The following GBE1 variants were observed in gnomAD, a reference collection of about 807,000 sequenced individuals.
GBE1 encodes 1,4-alpha-glucan-branching enzyme.
A neutral mutation model predicts 88.8 loss-of-function variants in GBE1; 70 were observed. The ratio of observed to expected loss-of-function variants is 0.79; its 90% CI spans 0.65 to 0.96. The LOEUF (loss-of-function observed/expected upper bound fraction) is 0.96, where lower values mean the gene tolerates loss of function less well. Ranked by LOEUF, GBE1 falls within the 40% of genes least tolerant of loss-of-function variation. The probability of loss-of-function intolerance (pLI) is 0.00; values close to 1 mark genes in which losing one functional copy is unlikely to be tolerated. For missense variants in GBE1, 872 were observed against 871.0 expected, an observed-to-expected ratio of 1.00 and a Z score of -0.01; for synonymous variants, 284 against 300.1, an observed-to-expected ratio of 0.95 and a Z score of 0.56.
At chr3:81,683,648 G>C (rs1705390827) in intron 2 of GBE1, among the ~76,000 whole-genome samples, 1 of 152,180 alleles carries the variant, frequency 6.6e-6, no homozygotes, top group Admixed American at 6.5e-5. Flanking sequence ...TAATGATGAT[G>C]ATGTAAGAAC....
chr3:81,750,628 TAC>T (rs61585666), intron 1 of GBE1, among the ~76,000 whole-genome samples: 11,893 of 64,312 alleles, frequency 0.18, 2,315 homozygotes, highest in East Asian at 0.49. Flanking sequence ...TATATATATA[TAC>T]GTATATATAT....
chr3:81,668,344 A>C (rs1705142999), intron 3 of GBE1, among the ~76,000 whole-genome samples: 1 of 152,194 alleles, frequency 6.6e-6, no homozygotes, highest in Admixed American at 6.5e-5. Flanking sequence ...AGTAAAATCA[A>C]AATAAAAAAT....
intron 7 of GBE1, among the ~76,000 whole-genome samples, chr3:81,608,792 C>A (rs1170869520): frequency 6.6e-6 from 1 of 152,140 alleles, no homozygotes; most frequent in Non-Finnish European, 1.5e-5. Flanking sequence ...TCTCACTACA[C>A]TTTTGGTAGG....
chr3:81,581,787 AT>A (rs1382861210), intron 10 of GBE1, among the ~76,000 whole-genome samples: 65 of 152,192 alleles, frequency 4.3e-4, no homozygotes, highest in African/African-American at 1.5e-3. Flanking sequence ...CAGACCACAC[AT>A]TTTGTGTCTG....
chr3:81,669,914 C>A (rs1705166140), intron 3 of GBE1, among the ~76,000 whole-genome samples: 2 of 151,980 alleles, frequency 1.3e-5, no homozygotes, highest in South Asian at 4.2e-4. Context: ...TAACAACCTA[C>A]AAAATAAACA....
chr3:81,698,273 A>G (rs1458337382), intron 2 of GBE1, among the ~76,000 whole-genome samples: 1 of 151,890 alleles, frequency 6.6e-6, no homozygotes, highest in Non-Finnish European at 1.5e-5. Context: ...CACACACACA[A>G]AACAGTAAAC....
intron 7 of GBE1, among the ~76,000 whole-genome samples, chr3:81,602,856 A>G (rs1465629972): frequency 6.6e-6 from 1 of 152,172 alleles, no homozygotes; most frequent in African/African-American, 2.4e-5. Flanking sequence ...CAAAGAAAAT[A>G]CTTTTGAGAC....
intron 14 of GBE1, among the ~76,000 whole-genome samples, chr3:81,525,417 G>A (rs1480922539): frequency 6.6e-6 from 1 of 152,024 alleles, no homozygotes; most frequent in Non-Finnish European, 1.5e-5. Context: ...TTGATGTGCT[G>A]CTGGATTCGG....
chr3:81,600,160 C>A (rs1156528322), intron 7 of GBE1, among the ~76,000 whole-genome samples: 1 of 152,088 alleles, frequency 6.6e-6, no homozygotes, highest in African/African-American at 2.4e-5. Context: ...ACTTGGGAGG[C>A]TGAGGCAGGA....
chr3:81,572,592 A>G (rs934099349), intron 12 of GBE1, among the ~76,000 whole-genome samples: 4 of 152,184 alleles, frequency 2.6e-5, no homozygotes, highest in South Asian at 2.1e-4. Context: ...CTTGCCTGTC[A>G]ATATTTAAAT....
intron 2 of GBE1, among the ~76,000 whole-genome samples, chr3:81,687,229 GGAA>G (rs1482045821): frequency 6.6e-6 from 1 of 152,082 alleles, no homozygotes; most frequent in Admixed American, 6.6e-5. Flanking sequence ...ATATATTTAA[GGAA>G]GAAGAATGAT....
intron 1 of GBE1, among the ~76,000 whole-genome samples, chr3:81,731,397 T>C (rs915103600): frequency 6.6e-6 from 1 of 152,200 alleles, no homozygotes; most frequent in African/African-American, 2.4e-5. Context: ...CTACAGGTAT[T>C]AGCAACTCAA....
At chr3:81,509,068 G>C (rs1702690457) in intron 14 of GBE1, among the ~76,000 whole-genome samples, 1 of 152,050 alleles carries the variant, frequency 6.6e-6, no homozygotes, top group African/African-American at 2.4e-5. Context: ...TTAAATTGCT[G>C]TCTCAAGAGA....
chr3:81,755,475 T>A (rs1175766386), intron 1 of GBE1, among the ~76,000 whole-genome samples: 5 of 152,186 alleles, frequency 3.3e-5, no homozygotes, highest in Admixed American at 3.3e-4. Context: ...ACTGGGTATA[T>A]ATCCAAAAGA....
In GBE1 at chr3:81,755,974, C is replaced by A. The variant is rs188319879; in HGVS notation, c.143+5401G>T. 8.4e-4 allele frequency among the ~76,000 whole-genome samples: 127 copies of A among 151,984 alleles called. 1 individual carries two copies. In the East Asian group the frequency reaches 0.019, roughly 23 times the overall value. ...ATTTCTTGGAGTGGTTGCTAACGTA[C>A]CAAATCCAAATTACTTTCTAATTTT... On this transcript the variant is annotated intron_variant, in intron 1 of 15. Coordinates refer to ENST00000429644, the MANE Select transcript of GBE1 (RefSeq NM_000158.4).
chr3:81,739,487 A>G (rs1706317902), intron 1 of GBE1, among the ~76,000 whole-genome samples: 1 of 152,200 alleles, frequency 6.6e-6, no homozygotes, highest in African/African-American at 2.4e-5. Flanking sequence ...ACTAGCCAGT[A>G]AATTACTCAA....
At chr3:81,636,160 A>AT (rs1182390678) in intron 7 of GBE1, among the ~76,000 whole-genome samples, 1 of 152,176 alleles carries the variant, frequency 6.6e-6, no homozygotes, top group Non-Finnish European at 1.5e-5. Context: ...GACAGATTGG[A>AT]TTGATATAGC....
Position 81,646,466 on chromosome 3 carries a change from C to G in GBE1, c.708G>C (p.Gln236His), listed in dbSNP as rs137852892. Residue 236 changes from glutamine to histidine, a missense_variant, in exon 6 of 16, where the codon CAG (glutamine) becomes CAC (histidine). Physicochemically the swap from Gln to His is conservative, Grantham distance 24 (BLOSUM62 0). Coordinates refer to ENST00000429644, the MANE Select transcript of GBE1 (RefSeq NM_000158.4). ...AAGCATGCTCCATGATTGCCATCAA[C>G]TGAATGCAGTTGTATCCTATATAAG... ...RIKGLGYNCI[Q>H]LMAIMEHAYY... 2.2e-5 allele frequency: 35 copies of G among 1,598,264 alleles called. No homozygotes were observed. Among genetic ancestry groups the G allele is most frequent in the Middle Eastern group, 1.7e-4 (1 of 6,034 alleles).
intron 12 of GBE1, among the ~76,000 whole-genome samples, chr3:81,571,670 C>T (rs924405616): frequency 2.0e-5 from 3 of 151,996 alleles, no homozygotes; most frequent in Admixed American, 2.0e-4. Flanking sequence ...AGCTTCTGTT[C>T]CAAGAATAAT....
Sources: allele counts gnomAD v4.1 joint callset (sites outside exome capture counted in the v4.1 genomes callset), GRCh38; gene constraint gnomAD v4.1.1; transcripts MANE v1.5; gene names NCBI Gene and HGNC (gene_info 2026-07-23, HGNC 2026-07-21).